TASOR2: variants seen among roughly 807,000 people sequenced by gnomAD.
The protein encoded by TASOR2 is transcription activation suppressor family member 2, also known as protein TASOR 2.
Under a neutral mutation model 199.5 loss-of-function variants are expected in TASOR2, and 84 were observed. That is an observed-to-expected ratio of 0.42 (90% CI 0.35 to 0.50). TASOR2 has a LOEUF of 0.50. Among genes scored for constraint, TASOR2 ranks in the 20% least tolerant of loss-of-function variants. The pLI is 0.02. For synonymous variants in TASOR2, 1,103 were observed against 1,046.6 expected, an observed-to-expected ratio of 1.05 and a Z score of -1.04; for missense variants, 2,796 against 2,835.9, an observed-to-expected ratio of 0.99 and a Z score of 0.32.
chr10:5,705,445 C>T (rs1483939061), intron 1 of TASOR2, among the ~76,000 whole-genome samples: 4 of 152,098 alleles, frequency 2.6e-5, no homozygotes, highest in Non-Finnish European at 5.9e-5. Flanking sequence ...CTGCTCTGAA[C>T]ATTCATGTGC....
intron 14 of TASOR2, among the ~76,000 whole-genome samples, chr10:5,745,703 C>T (rs1040045079): frequency 1.3e-5 from 2 of 151,800 alleles, no homozygotes; most frequent in Non-Finnish European, 2.9e-5. Context: ...CACTTAAACC[C>T]GGGAGGCAGA....
At chr10:5,693,640 A>G (rs1194560084) in intron 1 of TASOR2, among the ~76,000 whole-genome samples, 1 of 152,190 alleles carries the variant, frequency 6.6e-6, no homozygotes, top group Admixed American at 6.5e-5. Flanking sequence ...AGGAGGGGGG[A>G]ACCCCCACAA....
chr10:5,760,218 A>G (rs1203597838), intron 18 of TASOR2, among the ~76,000 whole-genome samples: 1 of 152,234 alleles, frequency 6.6e-6, no homozygotes, highest in Non-Finnish European at 1.5e-5. Context: ...CTGTGTGTCT[A>G]AACACAAAAA....
chr10:5,690,183 C>A lies in TASOR2; in HGVS notation c.-288+5008C>A, dbSNP rs1331406659. On this transcript the variant is annotated intron_variant, in intron 1 of 20. Transcript: ENST00000328090. This position sits in a 1 kb window ranked among gnomAD's most constrained non-coding sequence, Gnocchi z 4.8. ...TACTTTATTATTACTCTACAAATAA[C>A]CAGCTTTTGCTTTTATTGCTTGGCT... 6.6e-6 allele frequency among the ~76,000 whole-genome samples: 1 copy of A among 152,122 alleles called. No homozygotes were observed. The highest frequency in any genetic ancestry group is 1.5e-5 in the Non-Finnish European group (1 of 68,008).
At chr10:5,695,906 G>A (rs1391719171) in intron 1 of TASOR2, among the ~76,000 whole-genome samples, 3 of 152,138 alleles carry the variant, frequency 2.0e-5, no homozygotes, top group African/African-American at 7.2e-5. Flanking sequence ...AAGAATTACA[G>A]GATGGGGTGG....
intron 1 of TASOR2, among the ~76,000 whole-genome samples, chr10:5,688,404 T>A (rs930875629): frequency 2.2e-5 from 3 of 137,130 alleles, no homozygotes; most frequent in African/African-American, 8.9e-5. Flanking sequence ...AATTTTTTTT[T>A]TTTTTTTTTT....
At chr10:5,747,376 G>A (rs1441214677) in exon 15 of TASOR2, 3 of 1,614,160 alleles carry the variant, frequency 1.9e-6, no homozygotes, top group Non-Finnish European at 2.5e-6. Flanking sequence ...ACTTCAGGAT[G>A]TAGCTGAGGA....
chr10:5,761,183 A>G, intron 18 of TASOR2, 107 bp from the exon 20 acceptor site: 3 of 827,402 alleles, frequency 3.6e-6, no homozygotes, highest in Non-Finnish European at 5.0e-6. Context: ...GAACGTCAAG[A>G]AGAAAGGCAG....
intron 2 of TASOR2, among the ~76,000 whole-genome samples, chr10:5,715,675 GCT>G (rs1832537943): frequency 6.6e-6 from 1 of 151,432 alleles, no homozygotes; most frequent in African/African-American, 2.4e-5. Flanking sequence ...ACGGAGTTTC[GCT>G]CTGTCACCAG....
chr10:5,742,057 T>C lies in TASOR2; in HGVS notation c.2328-40T>C, dbSNP rs1234921761. ...ATAAGGTAATCAACTAAAATAACCA[T>C]TTTCAATGATTTTCATGTGTTCTTT... On this transcript the variant is annotated intron_variant, in intron 13 of 20. Transcript: ENST00000328090. The surrounding 1 kb of genome is among the most constrained non-coding windows in gnomAD (Gnocchi z 4.2). 2 of 1,579,388 alleles carry C rather than the reference T, an allele frequency of 1.3e-6. No individual in the cohort carries two copies.
At chr10:5,723,389 C>T (rs1833638318) in intron 6 of TASOR2, among the ~76,000 whole-genome samples, 2 of 151,822 alleles carry the variant, frequency 1.3e-5, no homozygotes, top group Admixed American at 1.3e-4. Context: ...TTTTTTAATT[C>T]CTTATTCCTG....
chr10:5,757,556 G>A lies in TASOR2; in HGVS notation c.6769G>A (p.Val2257Ile), dbSNP rs1266860184. 1.9e-6 allele frequency: 3 copies of A among 1,611,180 alleles called. No individual in the cohort carries two copies. Among genetic ancestry groups the A allele is most frequent in the South Asian group, 1.1e-5 (1 of 90,330 alleles). Residue 2257 changes from valine (V) to isoleucine (I), a missense_variant, in exon 17 of 21, where the codon GTC becomes ATC. Coordinates refer to ENST00000328090, the Ensembl canonical transcript of TASOR2. The stretch of plus-strand genomic sequence containing the variant: ...GCTGAAGCTGAAGCATTTCCCCAGT[G>A]TCATCTTTGCTGGAGTAGACAGCCC...
exon 21 of TASOR2, chr10:5,763,416 T>C (rs974971488): frequency 1.7e-4 from 28 of 168,518 alleles, no homozygotes; most frequent in Non-Finnish European, 2.3e-4. Context: ...TTATGCTCTG[T>C]TTTAAAGGTT....
chr10:5,759,120 C>G, intron 18 of TASOR2, 128 bp downstream of exon 19: 1 of 650,146 alleles, frequency 1.5e-6, no homozygotes, highest in Non-Finnish European at 2.7e-6. Flanking sequence ...ATGAGGGCTG[C>G]TGGCTCTGTA....
At chr10:5,758,237 C>T (rs1350219104) in intron 17 of TASOR2, among the ~76,000 whole-genome samples, 1 of 152,162 alleles carries the variant, frequency 6.6e-6, no homozygotes, top group Non-Finnish European at 1.5e-5. Context: ...ACCAGTGTGA[C>T]TTCTACACAG....
chr10:5,735,397 C>T (rs760034129), exon 12 of TASOR2: 2 of 1,614,082 alleles, frequency 1.2e-6, no homozygotes, highest in African/African-American at 1.3e-5. Context: ...CCAGTGCCAA[C>T]AAATGCTAAA....
intron 8 of TASOR2, 99 bp downstream of exon 9, chr10:5,724,632 TATAGATAG>T (rs372677711): frequency 1.1e-5 from 2 of 178,902 alleles, no homozygotes; most frequent in East Asian, 1.6e-4. Flanking sequence ...TATATATATA[TATAGATAG>T]ATAGATAGAT....
At chr10:5,693,725 C>A (rs1836782206) in intron 1 of TASOR2, among the ~76,000 whole-genome samples, 1 of 152,172 alleles carries the variant, frequency 6.6e-6, no homozygotes, top group Non-Finnish European at 1.5e-5. Context: ...CTTTATTTCA[C>A]CCAGATTATG....
rs965029170 is a variant in TASOR2 at position 5,710,289 on chromosome 10, T to C, written c.-287-2534T>C. The stretch of plus-strand genomic sequence containing the variant: ...AAAGATTTAAGATTAGCTATGATTT[T>C]CCAACAACTTTGTTTTTAACATACC... On this transcript the variant is annotated intron_variant, in intron 1 of 20. Coordinates refer to ENST00000328090, the Ensembl canonical transcript of TASOR2. This position sits in a 1 kb window ranked among gnomAD's most constrained non-coding sequence, Gnocchi z 4.6. Among the ~76,000 whole-genome samples, 8 of 152,160 alleles carry C rather than the reference T, an allele frequency of 5.3e-5. No individual in the cohort carries two copies. The highest frequency in any genetic ancestry group is 3.3e-4 in the Admixed American group (5 of 15,280).
Sources: allele counts gnomAD v4.1 joint callset (sites outside exome capture counted in the v4.1 genomes callset), GRCh38; gene constraint gnomAD v4.1.1; non-coding constraint Gnocchi (gnomAD v3.1); transcripts MANE v1.5; gene names NCBI Gene and HGNC (gene_info 2026-07-23, HGNC 2026-07-21).